Variants in CUX2 observed in about 807,000 individuals in gnomAD.
CUX2 encodes homeobox protein cut-like 2.
In CUX2, 40 loss-of-function variants were observed where a neutral mutation model predicts 144.8. The observed-to-expected ratio is 0.28, with a 90% CI of 0.21 to 0.36. The LOEUF (loss-of-function observed/expected upper bound fraction) is 0.36, where lower values mean the gene tolerates loss of function less well. CUX2 is among the 10% of genes least tolerant of loss of function. The probability of loss-of-function intolerance (pLI) is 1.00; values close to 1 mark genes in which losing one functional copy is unlikely to be tolerated. For missense variants in CUX2, 1,615 were observed against 1,994.0 expected (o/e 0.81, Z 3.62); for synonymous variants, 827 against 875.6 (o/e 0.94, Z 0.98).
Position 111,113,375 on chromosome 12 carries a change from G to C in CUX2, c.63+79135G>C, listed in dbSNP as rs367630591. ...GAGCTTTGACCACAATCAGAATATGGAACAGTTCCATCACCCCCCGAAATT... is the reference window on the plus strand; with the variant it reads ...GAGCTTTGACCACAATCAGAATATGCAACAGTTCCATCACCCCCCGAAATT... On this transcript the variant is annotated intron_variant, in intron 1 of 21. Coordinates refer to ENST00000261726, the MANE Select transcript of CUX2 (RefSeq NM_015267.4). Among the ~76,000 whole-genome samples, 17 of 152,078 alleles carry C rather than the reference G, an allele frequency of 1.1e-4. No homozygotes were observed. The South Asian group carries it at 2.1e-3, about 19-fold the overall frequency.
chr12:111,083,488 A>G (rs868495549), intron 1 of CUX2, among the ~76,000 whole-genome samples: 1 of 152,096 alleles, frequency 6.6e-6, no homozygotes, highest in South Asian at 2.1e-4. Context: ...CCCAGAGTCA[A>G]TGCATCTTGG....
At chr12:111,333,644 GC>G (rs1390883086) in intron 18 of CUX2, among the ~76,000 whole-genome samples, 1 of 152,086 alleles carries the variant, frequency 6.6e-6, no homozygotes, top group African/African-American at 2.4e-5. Context: ...TCCTTCTCAG[GC>G]CATCCTCTCA....
chr12:111,245,554 C>G (rs925994912), intron 3 of CUX2, among the ~76,000 whole-genome samples: 2 of 152,020 alleles, frequency 1.3e-5, no homozygotes, highest in Non-Finnish European at 2.9e-5. Context: ...CCCAGGAGAT[C>G]GAGGCTGCAG....
intron 1 of CUX2, among the ~76,000 whole-genome samples, chr12:111,110,560 C>A (rs565793747): frequency 6.6e-6 from 1 of 152,274 alleles, no homozygotes; most frequent in African/African-American, 2.4e-5. Flanking sequence ...TGTGCTTAAT[C>A]CAATAATGAT....
At chr12:111,079,935 G>A (rs1871778683) in intron 1 of CUX2, among the ~76,000 whole-genome samples, 2 of 152,168 alleles carry the variant, frequency 1.3e-5, no homozygotes, top group Admixed American at 1.3e-4. Flanking sequence ...AGATGGCAGT[G>A]GAAAAATACC....
chr12:111,196,091 C>G (rs562674185), intron 1 of CUX2, among the ~76,000 whole-genome samples: 6 of 152,298 alleles, frequency 3.9e-5, no homozygotes, highest in South Asian at 2.1e-4. Context: ...CTGGTCGTTT[C>G]GTACAAATGG....
chr12:111,229,499 G>T (rs372346589), intron 3 of CUX2, among the ~76,000 whole-genome samples: 4 of 152,288 alleles, frequency 2.6e-5, no homozygotes, highest in African/African-American at 9.6e-5. Flanking sequence ...CCCAGGTCAG[G>T]TCACTTTCCC....
intron 1 of CUX2, among the ~76,000 whole-genome samples, chr12:111,088,090 C>T (rs867840182): frequency 1.3e-5 from 2 of 152,100 alleles, no homozygotes; most frequent in African/African-American, 4.8e-5. Context: ...TTAGCATTCC[C>T]GAAAAGACAA....
At chr12:111,205,778 G>C (rs1051482573) in intron 1 of CUX2, among the ~76,000 whole-genome samples, 3 of 152,176 alleles carry the variant, frequency 2.0e-5, no homozygotes, top group African/African-American at 4.8e-5. Flanking sequence ...CAAAGCCAAC[G>C]TTTGAACCCA....
At chr12:111,262,505 A>G (rs1474198454) in intron 3 of CUX2, among the ~76,000 whole-genome samples, 1 of 151,530 alleles carries the variant, frequency 6.6e-6, no homozygotes, top group African/African-American at 2.4e-5. Context: ...CAGCCTCCTG[A>G]GTAGCTGGGA....
At chr12:111,099,436 T>G (rs1408470815) in intron 1 of CUX2, 1 of 408,158 alleles carries the variant, frequency 2.5e-6, no homozygotes, top group Non-Finnish European at 4.9e-6. Context: ...TTCCTTCATT[T>G]CTTGCCAAGC....
Position 111,171,649 on chromosome 12 carries a change from C to G in CUX2, c.64-42551C>G, listed in dbSNP as rs1878529457. On this transcript the variant is annotated intron_variant, in intron 1 of 21. Transcript: ENST00000261726. This position sits in a 1 kb window ranked among gnomAD's most constrained non-coding sequence, Gnocchi z 5.0. ...GCCCTCTCTGAGGAGTCATCCCAGC[C>G]TGTGGCCACAGTGATGCTGAAGGGG... Among the ~76,000 whole-genome samples the G allele has an allele frequency of 6.6e-6, 1 of 152,224 alleles. No homozygotes were observed. The highest frequency in any genetic ancestry group is 2.4e-5 in the African/African-American group (1 of 41,460).
At chr12:111,075,659 T>C (rs1871493942) in intron 1 of CUX2, among the ~76,000 whole-genome samples, 1 of 152,182 alleles carries the variant, frequency 6.6e-6, no homozygotes, top group African/African-American at 2.4e-5. Context: ...TTTACTTATT[T>C]GGGCGCTTAT....
intron 1 of CUX2, among the ~76,000 whole-genome samples, chr12:111,092,537 G>A (rs973409122): frequency 3.3e-5 from 5 of 152,144 alleles, no homozygotes; most frequent in African/African-American, 1.2e-4. Context: ...GTCTCATTTG[G>A]ACAAAGAATC....
At chr12:111,129,821 G>A (rs1178301593) in intron 1 of CUX2, among the ~76,000 whole-genome samples, 1 of 152,188 alleles carries the variant, frequency 6.6e-6, no homozygotes, top group East Asian at 1.9e-4. Context: ...TCCAGTGTGG[G>A]GACTGTGTCT....
At chr12:111,095,064 C>T (rs1472635888) in intron 1 of CUX2, among the ~76,000 whole-genome samples, 1 of 152,196 alleles carries the variant, frequency 6.6e-6, no homozygotes, top group Non-Finnish European at 1.5e-5. Flanking sequence ...CCAGGGACTT[C>T]ACCTCAGTCT....
In CUX2 at chr12:111,037,449, C is replaced by G. The variant is rs1255198556; in HGVS notation, c.63+3209C>G. On this transcript the variant is annotated intron_variant, in intron 1 of 21. Coordinates refer to ENST00000261726, the MANE Select transcript of CUX2 (RefSeq NM_015267.4). The surrounding 1 kb of genome is among the most constrained non-coding windows in gnomAD (Gnocchi z 5.4). ...TTCCTTCCAGCGCCGTCTCTGTACA[C>G]AGCAGGGCTGTTTTCCTAGGCTGGA... Among the ~76,000 whole-genome samples, 1 of 152,236 alleles carries G rather than the reference C, an allele frequency of 6.6e-6. No individual in the cohort carries two copies. Among genetic ancestry groups the G allele is most frequent in the Non-Finnish European group, 1.5e-5 (1 of 68,050 alleles).
intron 3 of CUX2, among the ~76,000 whole-genome samples, chr12:111,228,906 G>A (rs1882319467): frequency 6.6e-6 from 1 of 152,062 alleles, no homozygotes; most frequent in Non-Finnish European, 1.5e-5. Flanking sequence ...CTGTAAAATG[G>A]TCCTTGCAAG....
chr12:111,282,625 T>TAA (rs3061123), intron 4 of CUX2, among the ~76,000 whole-genome samples: 3 of 105,032 alleles, frequency 2.9e-5, no homozygotes, highest in African/African-American at 6.6e-5. Flanking sequence ...AAACTCCATC[T>TAA]AAAAAAAAAA....
Sources: gnomAD v4.1 joint callset for allele counts (sites outside exome capture counted in the v4.1 genomes callset) on GRCh38, gnomAD v4.1.1 for gene constraint, Gnocchi (gnomAD v3.1) non-coding constraint, MANE v1.5 for transcripts, NCBI Gene and HGNC (gene_info 2026-07-23, HGNC 2026-07-21) for gene names.